LRMDA: variants seen among roughly 807,000 people sequenced by gnomAD.
The protein encoded by LRMDA is leucine-rich melanocyte differentiation-associated protein.
In LRMDA, 18 loss-of-function variants were observed where a neutral mutation model predicts 29.8. The observed-to-expected ratio is 0.60, with a 90% CI of 0.42 to 0.90. The LOEUF is 0.90. Among genes scored for constraint, LRMDA ranks in the 40% least tolerant of loss-of-function variants. LRMDA has a pLI of 0.00. For missense variants in LRMDA, 273 were observed against 273.9 expected, an observed-to-expected ratio of 1.00 and a Z score of 0.02; for synonymous variants, 125 against 109.4, an observed-to-expected ratio of 1.14 and a Z score of -0.89.
Position 75,563,234 on chromosome 10 carries a change from T to C in LRMDA, c.131+124740T>C, listed in dbSNP as rs185018752. Among the ~76,000 whole-genome samples the C allele has an allele frequency of 6.6e-5, 10 of 152,228 alleles. 1 individual carries two copies. The highest frequency in any genetic ancestry group is 2.4e-4 in the African/African-American group (10 of 41,514). On this transcript the variant is annotated intron_variant, in intron 2 of 6. Coordinates refer to ENST00000611255, the MANE Select transcript of LRMDA (RefSeq NM_001305581.2). Reference sequence around the variant, plus strand: ...CTTGGAGGCTTTATTCGTTTCTTTTTATTCTTTTTTCTCTAAACTTCCCTT... The same window carrying C: ...CTTGGAGGCTTTATTCGTTTCTTTTCATTCTTTTTTCTCTAAACTTCCCTT...
intron 5 of LRMDA, among the ~76,000 whole-genome samples, chr10:76,222,868 A>G (rs1480215810): frequency 6.6e-6 from 1 of 152,120 alleles, no homozygotes. Context: ...AACCAACCCA[A>G]ATGTCCAACA....
chr10:76,075,071 C>G (rs908841467), intron 5 of LRMDA, among the ~76,000 whole-genome samples: 2 of 152,178 alleles, frequency 1.3e-5, no homozygotes, highest in Admixed American at 6.5e-5. Flanking sequence ...CACATCACTT[C>G]TGCCCATTGG....
rs189679123 is a variant in LRMDA, at chr10:76,526,793, G to A, written c.602-30416G>A. ...TTCCCACCTATGAGTGAGAATATGC[G>A]GTGTTTGAAGGGGAATATCACACTC... On this transcript the variant is annotated intron_variant, in intron 6 of 6. Transcript: ENST00000611255. Among the ~76,000 whole-genome samples, 398 of 137,106 alleles carry A rather than the reference G, an allele frequency of 2.9e-3. 4 individuals carry two copies. The highest frequency in any genetic ancestry group is 0.012 in the Middle Eastern group (3 of 246). The allele number at this position is 137,106 out of a possible 152,430, so 89.9% of individuals were successfully genotyped here.
chr10:76,162,042 T>A (rs1850655942), intron 5 of LRMDA, among the ~76,000 whole-genome samples: 1 of 152,232 alleles, frequency 6.6e-6, no homozygotes, highest in Admixed American at 6.5e-5. Flanking sequence ...ACAGGTCATT[T>A]CTGACTATTA....
At chr10:76,302,265 T>C (rs1840490859) in intron 5 of LRMDA, among the ~76,000 whole-genome samples, 1 of 152,200 alleles carries the variant, frequency 6.6e-6, no homozygotes, top group Admixed American at 6.5e-5. Context: ...GATGTGTTCA[T>C]GGGAAGAGAA....
chr10:75,469,134 A>T (rs1844694921), intron 2 of LRMDA, among the ~76,000 whole-genome samples: 1 of 152,062 alleles, frequency 6.6e-6, no homozygotes, highest in Non-Finnish European at 1.5e-5. Context: ...CAAAACTGGG[A>T]GATGGTGCTG....
chr10:76,087,496 A>G (rs1849156405), intron 5 of LRMDA, among the ~76,000 whole-genome samples: 1 of 152,190 alleles, frequency 6.6e-6, no homozygotes, highest in Non-Finnish European at 1.5e-5. Flanking sequence ...AAAAATTTCC[A>G]TCTACCCAGC....
chr10:75,919,817 G>A (rs967098964), intron 2 of LRMDA, among the ~76,000 whole-genome samples: 5 of 152,166 alleles, frequency 3.3e-5, no homozygotes, highest in African/African-American at 1.2e-4. Flanking sequence ...CCAGGGAGCA[G>A]CCCTGTGGCT....
intron 6 of LRMDA, chr10:76,438,648 T>A (rs1842269677): frequency 6.6e-6 from 1 of 152,208 alleles, no homozygotes; most frequent in South Asian, 2.1e-4. Context: ...ATGATATTTG[T>A]GAATCCCAGG....
At chr10:75,994,127 G>A (rs1847418883) in intron 2 of LRMDA, among the ~76,000 whole-genome samples, 1 of 152,232 alleles carries the variant, frequency 6.6e-6, no homozygotes, top group African/African-American at 2.4e-5. Context: ...ATGAATGACA[G>A]AAGATGAATG....
At chr10:76,397,286 T>C (rs1258536965) in intron 6 of LRMDA, among the ~76,000 whole-genome samples, 1 of 152,126 alleles carries the variant, frequency 6.6e-6, no homozygotes, top group Non-Finnish European at 1.5e-5. Context: ...CCCAGGAGCC[T>C]TGGAACTGAT....
At chr10:76,175,375 A>G (rs1396059201) in intron 5 of LRMDA, among the ~76,000 whole-genome samples, 2 of 152,200 alleles carry the variant, frequency 1.3e-5, no homozygotes, top group African/African-American at 4.8e-5. Flanking sequence ...CTATCTCAAC[A>G]GAGTTGTGTT....
At chr10:75,748,937 A>G (rs1035492088) in intron 2 of LRMDA, among the ~76,000 whole-genome samples, 1 of 152,338 alleles carries the variant, frequency 6.6e-6, no homozygotes. Flanking sequence ...ATACAGAATT[A>G]TACATACATA....
At chr10:75,437,860 G>T (rs1289803685) in intron 1 of LRMDA, among the ~76,000 whole-genome samples, 1 of 152,118 alleles carries the variant, frequency 6.6e-6, no homozygotes, top group African/African-American at 2.4e-5. Flanking sequence ...AGGGCATTTT[G>T]TACACAGTGG....
intron 5 of LRMDA, among the ~76,000 whole-genome samples, chr10:76,106,003 T>A (rs535177599): frequency 1.3e-5 from 2 of 152,258 alleles, no homozygotes; most frequent in African/African-American, 4.8e-5. Flanking sequence ...CACCTCAGCC[T>A]CCCAAAGTGC....
chr10:76,274,023 CATTTGAAGAT>C (rs1564707476), intron 5 of LRMDA, among the ~76,000 whole-genome samples: 3 of 152,058 alleles, frequency 2.0e-5, no homozygotes, highest in Admixed American at 1.3e-4. Context: ...TATTTCTAAA[CATTTGAAGAT>C]ATTTGAAGGT....
intron 5 of LRMDA, among the ~76,000 whole-genome samples, chr10:76,170,864 T>C (rs1479499982): frequency 6.6e-6 from 1 of 152,208 alleles, no homozygotes; most frequent in African/African-American, 2.4e-5. Flanking sequence ...TAAAAAATAT[T>C]ATCTGTTACT....
chr10:76,117,455 C>A (rs570113845), intron 5 of LRMDA, among the ~76,000 whole-genome samples: 2 of 152,264 alleles, frequency 1.3e-5, no homozygotes, highest in African/African-American at 4.8e-5. Context: ...AGAGTAGAGT[C>A]CCCATGATTC....
chr10:75,453,449 C>T (rs1844481802), intron 2 of LRMDA, among the ~76,000 whole-genome samples: 1 of 152,118 alleles, frequency 6.6e-6, no homozygotes. Context: ...AGTTTGTCCC[C>T]GTACTGCTAA....
Sources: allele counts gnomAD v4.1 joint callset (sites outside exome capture counted in the v4.1 genomes callset), GRCh38; gene constraint gnomAD v4.1.1; transcripts MANE v1.5; gene names NCBI Gene and HGNC (gene_info 2026-07-23, HGNC 2026-07-21).